Variants in NOL4 observed in about 807,000 individuals in gnomAD.
The protein encoded by NOL4 is nucleolar protein 4.
A neutral mutation model predicts 75.9 loss-of-function variants in NOL4; 17 were observed. The observed-to-expected ratio is 0.22, with a 90% CI of 0.15 to 0.34. NOL4 has a LOEUF of 0.34. NOL4 is among the 10% of genes least tolerant of loss of function. The pLI is 1.00. For synonymous variants in NOL4, 292 were observed against 289.9 expected (o/e 1.01, Z -0.07); for missense variants, 614 against 793.5 (o/e 0.77, Z 2.72).
chr18:33,998,918 T>C (rs573984560), intron 6 of NOL4, among the ~76,000 whole-genome samples: 14 of 152,234 alleles, frequency 9.2e-5, no homozygotes, highest in Middle Eastern at 3.4e-3. Context: ...CATATACTTA[T>C]AGTTGCTGAG....
At position 33,851,599 on chromosome 18, in the gene NOL4, GAACTA is replaced by G. The variant is rs770183701; in HGVS notation, c.*1238_*1242del. ...CAGAAAAAAGTTGTATAAGAAGCAT[GAACTA>G]AAGTACTTCTCCCTAAATATTTAAA... On this transcript the variant is annotated 3_prime_UTR_variant, in exon 11 of 11. Coordinates refer to ENST00000261592, the MANE Select transcript of NOL4 (RefSeq NM_003787.5). 5 of 152,386 alleles carry G rather than the reference GAACTA, an allele frequency of 3.3e-5. No homozygotes were observed. The highest frequency in any genetic ancestry group is 1.3e-4 in the Admixed American group (2 of 15,232). 9.4% of individuals were successfully genotyped at this position (152,386 alleles called of 1,614,324 possible). A position where few individuals can be genotyped will look rare whatever the true frequency, so the allele number is the denominator to read the frequency against.
chr18:34,107,115 T>TC (rs2079326644), intron 2 of NOL4, among the ~76,000 whole-genome samples: 2 of 152,272 alleles, frequency 1.3e-5, no homozygotes, highest in African/African-American at 4.8e-5. Context: ...TCTTCTCTTT[T>TC]CCCCATGCTA....
chr18:34,138,115 T>C (rs569045152), intron 1 of NOL4, among the ~76,000 whole-genome samples: 1 of 152,228 alleles, frequency 6.6e-6, no homozygotes, highest in East Asian at 1.9e-4. Flanking sequence ...GGCAAATGTA[T>C]ATAGATAGAA....
chr18:34,034,056 C>T (rs948634511), intron 5 of NOL4, among the ~76,000 whole-genome samples: 37 of 152,188 alleles, frequency 2.4e-4, no homozygotes, highest in Admixed American at 1.4e-3. Context: ...AGTCTTCAAC[C>T]CAAAAGCGAA....
intron 6 of NOL4, among the ~76,000 whole-genome samples, chr18:33,962,281 T>C (rs2070199999): frequency 6.6e-6 from 1 of 152,216 alleles, no homozygotes; most frequent in African/African-American, 2.4e-5. Flanking sequence ...CACCTGAGAT[T>C]GAATCTGGAG....
chr18:34,156,470 T>C (rs1159165061), intron 1 of NOL4, among the ~76,000 whole-genome samples: 3 of 152,126 alleles, frequency 2.0e-5, no homozygotes, highest in Admixed American at 6.5e-5. Context: ...TCAGGTAACA[T>C]GTAACTATCA....
chr18:34,223,369 A>G lies in NOL4; in HGVS notation c.-116T>C. 3.5e-6 allele frequency: 5 copies of G among 1,443,588 alleles called. No individual in the cohort carries two copies. The highest frequency in any genetic ancestry group is 4.6e-6 in the Non-Finnish European group (5 of 1,077,502). The allele number at this position is 1,443,588 out of a possible 1,614,324, so 89.4% of individuals were successfully genotyped here. Reference sequence around the variant, plus strand: ...TGCAGGGATGCGAGGTCCCGGCCGCAGCGGGAGCCTGCTTTGGGTGGGGGA... The same window carrying G: ...TGCAGGGATGCGAGGTCCCGGCCGCGGCGGGAGCCTGCTTTGGGTGGGGGA... On this transcript the variant is annotated 5_prime_UTR_variant, in exon 1 of 11. Transcript: ENST00000261592.
In NOL4 at chr18:34,224,795, G is replaced by T; in HGVS notation, c.-1542C>A. On this transcript the variant is annotated 5_prime_UTR_variant, in exon 1 of 11. Coordinates refer to ENST00000261592, the MANE Select transcript of NOL4 (RefSeq NM_003787.5). ...AGTGTGTGCGTGTGTGTGAGCAAGG[G>T]AGCGAGGGTGTGCGGTGTGCAGGGG... The T allele has an allele frequency of 6.5e-6, 1 of 154,754 alleles. No homozygotes were observed. The highest frequency in any genetic ancestry group is 2.0e-4 in the South Asian group (1 of 5,048). 9.6% of individuals were successfully genotyped at this position (154,754 alleles called of 1,614,324 possible). A position where few individuals can be genotyped will look rare whatever the true frequency, so the allele number is the denominator to read the frequency against.
intron 10 of NOL4, among the ~76,000 whole-genome samples, chr18:33,854,362 G>A (rs1484442346): frequency 6.6e-6 from 1 of 152,056 alleles, no homozygotes; most frequent in Non-Finnish European, 1.5e-5. Flanking sequence ...ACATCTGAGA[G>A]AAATGTATTT....
rs1459979972 is a variant in NOL4 at position 34,211,691 on chromosome 18, G to A, written c.264+11299C>T. 3.3e-5 allele frequency among the ~76,000 whole-genome samples: 5 copies of A among 152,082 alleles called. No individual in the cohort carries two copies. The South Asian group carries it at 6.2e-4, about 19-fold the overall frequency. ...CAGCTCCAAAACACTTCAAAAACTCGTAACTGTGAGAATAACTATCACAAA... is the reference window on the plus strand; with the variant it reads ...CAGCTCCAAAACACTTCAAAAACTCATAACTGTGAGAATAACTATCACAAA... On this transcript the variant is annotated intron_variant, in intron 1 of 10. Coordinates refer to ENST00000261592, the MANE Select transcript of NOL4 (RefSeq NM_003787.5).
At chr18:34,097,194 T>C (rs1224003960) in intron 4 of NOL4, among the ~76,000 whole-genome samples, 1 of 152,206 alleles carries the variant, frequency 6.6e-6, no homozygotes. Context: ...TCAAATAATG[T>C]GTATGCTATT....
intron 5 of NOL4, among the ~76,000 whole-genome samples, chr18:34,040,864 T>C (rs2076109989): frequency 6.6e-6 from 1 of 151,986 alleles, no homozygotes; most frequent in South Asian, 2.1e-4. Flanking sequence ...CAGAAATATA[T>C]TTTATATTCA....
intron 6 of NOL4, among the ~76,000 whole-genome samples, chr18:33,960,551 T>C (rs1303873144): frequency 6.6e-6 from 1 of 152,128 alleles, no homozygotes; most frequent in African/African-American, 2.4e-5. Context: ...ACATTAAGTA[T>C]CACTACACAT....
chr18:33,925,114 T>C (rs1453495626), intron 9 of NOL4, among the ~76,000 whole-genome samples: 2 of 140,528 alleles, frequency 1.4e-5, no homozygotes, highest in South Asian at 2.3e-4. Flanking sequence ...TGAGAAAATA[T>C]GTTAATACAA....
At chr18:34,178,327 T>A (rs1226871164) in intron 1 of NOL4, among the ~76,000 whole-genome samples, 1 of 151,454 alleles carries the variant, frequency 6.6e-6, no homozygotes, top group Non-Finnish European at 1.5e-5. Flanking sequence ...AAAGAAGGAA[T>A]TGCGGGGAAG....
chr18:33,926,938 T>G (rs1342977897), intron 9 of NOL4, among the ~76,000 whole-genome samples: 1 of 152,212 alleles, frequency 6.6e-6, no homozygotes, highest in Non-Finnish European at 1.5e-5. Flanking sequence ...CACATTGAAC[T>G]ATAGTATTTT....
intron 5 of NOL4, among the ~76,000 whole-genome samples, chr18:34,035,805 T>C (rs886917088): frequency 6.6e-6 from 1 of 151,904 alleles, no homozygotes; most frequent in Non-Finnish European, 1.5e-5. Flanking sequence ...TTTCAACTGA[T>C]AAAACAGAGA....
intron 5 of NOL4, among the ~76,000 whole-genome samples, chr18:34,026,860 C>T (rs2075368745): frequency 6.6e-6 from 1 of 152,034 alleles, no homozygotes; most frequent in Admixed American, 6.6e-5. Flanking sequence ...GTTTTGTTGA[C>T]AAACATAGTA....
At chr18:34,113,655 AAC>A (rs1031837721) in intron 2 of NOL4, among the ~76,000 whole-genome samples, 3 of 152,058 alleles carry the variant, frequency 2.0e-5, no homozygotes, top group African/African-American at 7.2e-5. Flanking sequence ...AAAAAATTAA[AAC>A]AGTGTCCTGT....
Sources: gnomAD v4.1 joint callset for allele counts (sites outside exome capture counted in the v4.1 genomes callset) on GRCh38, gnomAD v4.1.1 for gene constraint, MANE v1.5 for transcripts, NCBI Gene and HGNC (gene_info 2026-07-23, HGNC 2026-07-21) for gene names.